Variants in GSE1 observed in about 807,000 individuals in gnomAD.
GSE1 encodes genetic suppressor element 1.
Under a neutral mutation model 112.6 loss-of-function variants are expected in GSE1, and 32 were observed. The observed-to-expected ratio is 0.28, with a 90% CI of 0.21 to 0.38. The LOEUF (loss-of-function observed/expected upper bound fraction) is 0.38. Ranked by LOEUF, GSE1 falls within the 10% of genes least tolerant of loss-of-function variation. The pLI is 1.00. For synonymous variants in GSE1, 1,115 were observed against 735.6 expected, an observed-to-expected ratio of 1.52 and a Z score of -8.35; for missense variants, 2,348 against 1,699.2, an observed-to-expected ratio of 1.38 and a Z score of -6.71.
At chr16:85,598,238 A>C (rs2047320755) in intron 1 of GSE1, among the ~76,000 whole-genome samples, 1 of 141,030 alleles carries the variant, frequency 7.1e-6, no homozygotes, top group South Asian at 2.2e-4. Context: ...GAGGGCCCAG[A>C]AGGTTCTTTG....
intron 2 of GSE1, among the ~76,000 whole-genome samples, chr16:85,634,974 A>G (rs1019087291): frequency 1.3e-5 from 2 of 151,618 alleles, no homozygotes; most frequent in Non-Finnish European, 2.9e-5. Flanking sequence ...GGAAACCGGG[A>G]CCCCAGTGGC....
chr16:85,234,754 C>G (rs919264836), intron 1 of GSE1, among the ~76,000 whole-genome samples: 4 of 152,176 alleles, frequency 2.6e-5, no homozygotes, highest in Non-Finnish European at 5.9e-5. Flanking sequence ...CCCGGCTCCG[C>G]CCCCGCAGCA....
At chr16:85,449,310 A>T (rs1322960588) in intron 2 of GSE1, among the ~76,000 whole-genome samples, 1 of 152,178 alleles carries the variant, frequency 6.6e-6, no homozygotes, top group African/African-American at 2.4e-5. Context: ...ACTTTTCTGG[A>T]TGGTTCTGGG....
intron 1 of GSE1, among the ~76,000 whole-genome samples, chr16:85,332,114 C>G (rs904929367): frequency 1.3e-5 from 2 of 152,110 alleles, no homozygotes; most frequent in African/African-American, 4.8e-5. Context: ...AGGGATGGGG[C>G]AGGGGGCCCA....
intron 2 of GSE1, among the ~76,000 whole-genome samples, chr16:85,438,118 C>T (rs920725928): frequency 2.0e-5 from 3 of 152,138 alleles, no homozygotes; most frequent in African/African-American, 4.8e-5. Context: ...CTGTGTCCCC[C>T]GGATAGGATA....
rs1464339489 is a variant in GSE1, at chr16:85,343,042, GCTGAGCTGCT to G, written c.2284-14420_2284-14411del. Among the ~76,000 whole-genome samples, 3 of 152,156 alleles carry G rather than the reference GCTGAGCTGCT, an allele frequency of 2.0e-5. No homozygotes were observed. The South Asian group carries it at 6.2e-4, about 31-fold the overall frequency. On this transcript the variant is annotated intron_variant, in intron 1 of 2. Coordinates refer to the GSE1 transcript ENST00000637419. ...AAGGCCTGGGGGTGCAGAGGGAGCA[GCTGAGCTGCT>G]GGATGTGCCTCCCTCAGCCTCTCAG...
chr16:85,348,700 G>C (rs191268562), intron 1 of GSE1, among the ~76,000 whole-genome samples: 3 of 152,142 alleles, frequency 2.0e-5, no homozygotes, highest in Non-Finnish European at 4.4e-5. Flanking sequence ...TTCTCACCTG[G>C]CCTGCCTGGC....
chr16:85,301,991 G>A (rs758030061), intron 1 of GSE1, among the ~76,000 whole-genome samples: 19 of 152,204 alleles, frequency 1.2e-4, no homozygotes, highest in African/African-American at 1.7e-4. Flanking sequence ...GGGGCACAGC[G>A]CTGGAGAACC....
In GSE1 at chr16:85,311,529, G is replaced by A. The variant is rs2045847599; in HGVS notation, c.2284-45934G>A. ...GAGGGAGGGAGGGAGGGAAGGAGGT[G>A]CCGGGGTGCTCACCTTCCCCGAGGC... On this transcript the variant is annotated intron_variant, in intron 1 of 2. Coordinates refer to the GSE1 transcript ENST00000637419. The surrounding 1 kb of genome is among the most constrained non-coding windows in gnomAD (Gnocchi z 4.2). Among the ~76,000 whole-genome samples the A allele has an allele frequency of 6.6e-6, 1 of 152,110 alleles. No homozygotes were observed. The highest frequency in any genetic ancestry group is 2.1e-4 in the South Asian group (1 of 4,826).
intron 2 of GSE1, among the ~76,000 whole-genome samples, chr16:85,469,379 C>T (rs1292871283): frequency 1.3e-5 from 2 of 152,148 alleles, no homozygotes; most frequent in African/African-American, 2.4e-5. Context: ...GGTGTGGCCA[C>T]AAGCCAGGAT....
chr16:85,429,947 C>T (rs1267173419), intron 2 of GSE1, among the ~76,000 whole-genome samples: 1 of 152,218 alleles, frequency 6.6e-6, no homozygotes, highest in Non-Finnish European at 1.5e-5. Context: ...CGTGCAGTTC[C>T]CAGGACTGTG....
Position 85,463,915 on chromosome 16 carries a change from T to G in GSE1, c.2464+106272T>G, listed in dbSNP as rs2050051213. Among the ~76,000 whole-genome samples the G allele has an allele frequency of 2.6e-5, 4 of 152,182 alleles. No homozygotes were observed. The South Asian group carries it at 8.3e-4, about 32-fold the overall frequency. On this transcript the variant is annotated intron_variant, in intron 2 of 2. Transcript: ENST00000637419. Reference sequence around the variant, plus strand: ...CCAGAGTGAGGGATGGAGAGAAGCCTTCCATGAACAGCAACTCAGGCTACC... The same window carrying G: ...CCAGAGTGAGGGATGGAGAGAAGCCGTCCATGAACAGCAACTCAGGCTACC...
intron 1 of GSE1, among the ~76,000 whole-genome samples, chr16:85,261,868 T>G (rs1003913087): frequency 6.6e-6 from 1 of 152,174 alleles, no homozygotes; most frequent in South Asian, 2.1e-4. Context: ...GCACCTGTGA[T>G]TTGGTGCCCG....
At chr16:85,539,603 TG>T (rs2044451036) in intron 2 of GSE1, among the ~76,000 whole-genome samples, 3 of 152,316 alleles carry the variant, frequency 2.0e-5, no homozygotes, top group South Asian at 2.1e-4. Flanking sequence ...ATTACACCTC[TG>T]GGTTGTTTTT....
chr16:85,507,152 G>A (rs554731013), intron 2 of GSE1, among the ~76,000 whole-genome samples: 1 of 152,342 alleles, frequency 6.6e-6, no homozygotes, highest in South Asian at 2.1e-4. Context: ...CGCCGGCCCT[G>A]AACCACGTTT....
At chr16:85,202,756 C>T (rs2075050893) in intron 1 of GSE1, among the ~76,000 whole-genome samples, 1 of 152,240 alleles carries the variant, frequency 6.6e-6, no homozygotes, top group South Asian at 2.1e-4. Context: ...TGTCTGTTCT[C>T]GCCTGGAGCC....
intron 1 of GSE1, among the ~76,000 whole-genome samples, chr16:85,308,232 C>A (rs549626454): frequency 7.2e-5 from 11 of 152,322 alleles, no homozygotes; most frequent in African/African-American, 2.4e-4. Flanking sequence ...TGAAGACCAC[C>A]TAGCTGGAAT....
At chr16:85,598,480 T>C (rs2047330053) in intron 1 of GSE1, among the ~76,000 whole-genome samples, 1 of 152,244 alleles carries the variant, frequency 6.6e-6, no homozygotes, top group African/African-American at 2.4e-5. Flanking sequence ...AAACCAACTT[T>C]GATCTTTCAG....
In GSE1 at chr16:85,666,193, C is replaced by G. The variant is rs372038915; in HGVS notation, c.2976C>G (p.Ile992Met). 63 of 1,613,600 alleles carry G rather than the reference C, an allele frequency of 3.9e-5. No individual in the cohort carries two copies. The South Asian group carries it at 6.4e-4, about 16-fold the overall frequency. ...GKKSLSMLHYIRGAAPKDIPV... is the reference protein window; with the variant it reads ...GKKSLSMLHYMRGAAPKDIPV... The stretch of plus-strand genomic sequence containing the variant: ...AGAGTCTGAGCATGCTTCACTATAT[C>G]CGGGGCGCTGCACCCAAGGACATTC... Residue 992 changes from isoleucine to methionine, a missense_variant, in exon 13 of 16, where the codon ATC becomes ATG. By Grantham distance (10) the Ile-to-Met change is conservative (BLOSUM62 1). Transcript: ENST00000253458.
Sources: gnomAD v4.1 joint callset for allele counts (sites outside exome capture counted in the v4.1 genomes callset) on GRCh38, gnomAD v4.1.1 for gene constraint, Gnocchi (gnomAD v3.1) non-coding constraint, MANE v1.5 for transcripts, NCBI Gene and HGNC (gene_info 2026-07-23, HGNC 2026-07-21) for gene names.